Variants in N4BP3 observed in about 807,000 individuals in gnomAD.
N4BP3 encodes NEDD4 binding protein 3, also known as NEDD4-binding protein 3.
N4BP3 carries 33 observed loss-of-function variants against 43.8 expected under a neutral mutation model. The observed-to-expected ratio is 0.75, with a 90% confidence interval of 0.57 to 1.01. The LOEUF is 1.01. Ranked by LOEUF, N4BP3 falls within the 50% of genes least tolerant of loss-of-function variation. The pLI is 0.00. For missense variants in N4BP3, 756 were observed against 744.2 expected (o/e 1.02, Z -0.18); for synonymous variants, 326 against 321.9 (o/e 1.01, Z -0.14).
In N4BP3 at chr5:178,125,380, AG is replaced by A. The variant is rs1282223011; in HGVS notation, c.*3383del. 1 of 152,350 alleles carries A rather than the reference AG, an allele frequency of 6.6e-6. No individual in the cohort carries two copies. Among genetic ancestry groups the A allele is most frequent in the African/African-American group, 2.4e-5 (1 of 41,450 alleles). 9.4% of individuals were successfully genotyped at this position (152,350 alleles called of 1,614,324 possible). On this transcript the variant is annotated 3_prime_UTR_variant, in exon 5 of 5. Transcript: ENST00000274605. ...GTTCAGACAGAACTAGGGACAACAG[AG>A]GGGCCTCCATGGTGGCATGGGTCAG... is the stretch of plus-strand genomic sequence containing the variant.
At position 178,121,530 on chromosome 5, in the gene N4BP3, G is replaced by C; in HGVS notation, c.1164G>C (p.Gln388His). 1 of 1,613,896 alleles carries C rather than the reference G, an allele frequency of 6.2e-7. No individual in the cohort carries two copies. The highest frequency in any genetic ancestry group is 8.5e-7 in the Non-Finnish European group (1 of 1,180,016). The stretch of plus-strand genomic sequence containing the variant: ...TGAAGCAGCAGCTGCGTGAAGCCCA[G>C]GCGGAACTGGCCCAGAAGCTGGCGG... Reference protein sequence around the residue: ...SLLKQQLREAQAELAQKLAEI... With the variant: ...SLLKQQLREAHAELAQKLAEI... The change falls in exon 5 of 5, where the codon CAG becomes CAC. Residue 388 changes from glutamine (Q) to histidine (H), a missense_variant. Gln to His is a conservative substitution (Grantham distance 24). Coordinates refer to ENST00000274605, the MANE Select transcript of N4BP3 (RefSeq NM_015111.2).
rs780206870 is a variant in N4BP3 at position 178,123,999 on chromosome 5, C to T, written c.*1998C>T. ...AGTCGTCTACACACCCCCTTGGTAC[C>T]CATTCCCATTTCACAAACTCCTCCA... On this transcript the variant is annotated 3_prime_UTR_variant, in exon 5 of 5. Coordinates refer to ENST00000274605, the MANE Select transcript of N4BP3 (RefSeq NM_015111.2). 4.3e-4 allele frequency: 65 copies of T among 152,842 alleles called. No individual in the cohort carries two copies. The highest frequency in any genetic ancestry group is 5.1e-4 in the Non-Finnish European group (35 of 68,152). 9.5% of individuals were successfully genotyped at this position (152,842 alleles called of 1,614,324 possible).
At chr5:178,114,846 C>A (rs1757735572) in intron 1 of N4BP3, among the ~76,000 whole-genome samples, 1 of 152,212 alleles carries the variant, frequency 6.6e-6, no homozygotes. Context: ...GGATTCCAGG[C>A]CTGGTGGACC....
rs898405012 is a variant in N4BP3 at position 178,125,661 on chromosome 5, G to A, written c.*3660G>A. ...ACGAGAGGAGAGGCTGGAGGGCCAT[G>A]GGAGTTCCCAGCTGGCTCACTCATC... is the stretch of plus-strand genomic sequence containing the variant. On this transcript the variant is annotated 3_prime_UTR_variant, in exon 5 of 5. Transcript: ENST00000274605. 16 of 152,360 alleles carry A rather than the reference G, an allele frequency of 1.1e-4. No homozygotes were observed. The highest frequency in any genetic ancestry group is 3.6e-4 in the African/African-American group (15 of 41,586). The allele number at this position is 152,360 out of a possible 1,614,324, so 9.4% of individuals were successfully genotyped here.
chr5:178,120,602 G>C lies in N4BP3; in HGVS notation c.755G>C (p.Cys252Ser), dbSNP rs750625937. 1.2e-6 allele frequency: 2 copies of C among 1,612,146 alleles called. No individual in the cohort carries two copies. The highest frequency in any genetic ancestry group is 2.2e-5 in the South Asian group (2 of 91,082). The change falls in exon 3 of 5, where the codon TGC (cysteine) becomes TCC (serine). Residue 252 changes from cysteine to serine, a missense_variant. Physicochemically the swap from Cys to Ser is moderately radical, Grantham distance 112 (BLOSUM62 -1). Coordinates refer to ENST00000274605, the MANE Select transcript of N4BP3 (RefSeq NM_015111.2). ...CCACCACCCCCCTACGAGTTCTCCTGCTCCTCTGCCGAGGAAATGGGAGCC... is the reference window on the plus strand; with the variant it reads ...CCACCACCCCCCTACGAGTTCTCCTCCTCCTCTGCCGAGGAAATGGGAGCC... ...PEPPPPYEFS[C>S]SSAEEMGAVL... is the part of the protein sequence containing the mutation.
chr5:178,114,370 C>T (rs1315120068), intron 1 of N4BP3, among the ~76,000 whole-genome samples: 3 of 152,250 alleles, frequency 2.0e-5, no homozygotes, highest in African/African-American at 7.2e-5. Flanking sequence ...CAACCCCCTG[C>T]CGGTCCACCA....
Position 178,121,912 on chromosome 5 carries a change from C to T in N4BP3, c.1546C>T (p.Arg516Cys), listed in dbSNP as rs778373751. The change falls in exon 5 of 5, where the codon CGC becomes TGC. Residue 516 changes from arginine (R) to cysteine (C), a missense_variant. By Grantham distance (180) the Arg-to-Cys change is radical. Transcript: ENST00000274605. Reference protein sequence around the residue: ...EIQGGYMDMYRRNQALEQELR... With the variant: ...EIQGGYMDMYCRNQALEQELR... ...CCAGGGAGGGTACATGGACATGTAC[C>T]GCCGCAACCAGGCACTGGAGCAGGA... The T allele has an allele frequency of 5.0e-6, 8 of 1,611,814 alleles. No individual in the cohort carries two copies. The East Asian group carries it at 1.1e-4, about 22-fold the overall frequency.
In N4BP3 at chr5:178,121,580, T is replaced by C. The variant is rs1297283090; in HGVS notation, c.1214T>C (p.Leu405Pro). ...GAGATCTTCAGTCTGAAGACACAAC[T>C]TCGGGGCAGCCGGGCACAAGCCCAG... is the stretch of plus-strand genomic sequence containing the variant. ...LAEIFSLKTQ[L>P]RGSRAQAQAQ... Residue 405 changes from leucine (L) to proline (P), a missense_variant, in exon 5 of 5, where the codon CTT (leucine) becomes CCT (proline). Leu to Pro is a moderately conservative substitution (Grantham distance 98, BLOSUM62 -3). Coordinates refer to ENST00000274605, the MANE Select transcript of N4BP3 (RefSeq NM_015111.2). 12 of 1,613,442 alleles carry C rather than the reference T, an allele frequency of 7.4e-6. No homozygotes were observed. Among genetic ancestry groups the C allele is most frequent in the Non-Finnish European group, 1.0e-5 (12 of 1,179,976 alleles).
In N4BP3 at chr5:178,120,420, C is replaced by T. The variant is rs774793593; in HGVS notation, c.573C>T (p.Ser191=). The T allele has an allele frequency of 2.5e-6, 4 of 1,613,038 alleles. No homozygotes were observed. Among genetic ancestry groups the T allele is most frequent in the East Asian group, 2.2e-5 (1 of 44,866 alleles). The change falls in exon 3 of 5, where the codon TCC becomes TCT. Residue 191 remains serine (S), a synonymous_variant. Transcript: ENST00000274605. ...GPEPEPSLSD[S]SSGGSFGRSP... is the part of the protein sequence containing the mutation. ...AGCCCGAGCCCAGCCTGTCCGACTC[C>T]TCCAGTGGGGGTAGTTTTGGTCGCA...
chr5:178,117,034 AACT>A (rs1479078635), intron 1 of N4BP3, among the ~76,000 whole-genome samples: 1 of 152,126 alleles, frequency 6.6e-6, no homozygotes, highest in East Asian at 1.9e-4. Context: ...GGTGGTTTCA[AACT>A]CCTGGGGTCA....
chr5:178,117,998 G>T (rs1757811968), intron 1 of N4BP3, among the ~76,000 whole-genome samples: 1 of 152,212 alleles, frequency 6.6e-6, no homozygotes, highest in South Asian at 2.1e-4. Flanking sequence ...GTGCCCGGAA[G>T]CATGGGTGGT....
intron 2 of N4BP3, 34 bp downstream of exon 2, chr5:178,119,947 G>T: frequency 1.3e-6 from 2 of 1,556,022 alleles, no homozygotes; most frequent in Non-Finnish European, 1.7e-6. Flanking sequence ...ACAAGGTGTG[G>T]GGAGGGTGGG....
Position 178,123,001 on chromosome 5 carries a change from T to A in N4BP3, c.*1000T>A, listed in dbSNP as rs1007518902. 4 of 152,198 alleles carry A rather than the reference T, an allele frequency of 2.6e-5. No homozygotes were observed. Among genetic ancestry groups the A allele is most frequent in the Non-Finnish European group, 4.4e-5 (3 of 68,052 alleles). The allele number at this position is 152,198 out of a possible 1,614,324, so 9.4% of individuals were successfully genotyped here. ...TAAGTAGGGGTGAAATATGATTGAT[T>A]TGCATTCTGGAAAGCTCTCCCAGGA... On this transcript the variant is annotated 3_prime_UTR_variant, in exon 5 of 5. Coordinates refer to ENST00000274605, the MANE Select transcript of N4BP3 (RefSeq NM_015111.2).
rs1561616163 is a variant in N4BP3 at position 178,119,612 on chromosome 5, T to C, written c.29T>C (p.Ile10Thr). ...GCCACAGCCCCAGGCCCTGCTGGCA[T>C]TGCCATGGGCAGCGTGGGCAGCCTG... MATAPGPAGIAMGSVGSLLE... is the reference protein window; with the variant it reads MATAPGPAGTAMGSVGSLLE... The change falls in exon 2 of 5, where the codon ATT (isoleucine) becomes ACT (threonine). Residue 10 changes from isoleucine (I) to threonine (T), a missense_variant. Transcript: ENST00000274605. 2 of 1,554,872 alleles carry C rather than the reference T, an allele frequency of 1.3e-6. No homozygotes were observed. The highest frequency in any genetic ancestry group is 1.7e-6 in the Non-Finnish European group (2 of 1,150,920).
rs1757926979 is a variant in N4BP3 at position 178,121,619 on chromosome 5, A to G, written c.1253A>G (p.Glu418Gly). 6.2e-7 allele frequency: 1 copy of G among 1,613,072 alleles called. No individual in the cohort carries two copies. Among genetic ancestry groups the G allele is most frequent in the African/African-American group, 1.3e-5 (1 of 75,042 alleles). Reference sequence around the variant, plus strand: ...GCACAAGCCCAGGCTCAGGACGCAGAGCTGGTCCGGCTGCGCGAGGCTGTG... The same window carrying G: ...GCACAAGCCCAGGCTCAGGACGCAGGGCTGGTCCGGCTGCGCGAGGCTGTG... ...SRAQAQAQDA[E>G]LVRLREAVRS... Residue 418 changes from glutamate to glycine, a missense_variant, in exon 5 of 5, where the codon GAG becomes GGG. Transcript: ENST00000274605.
In N4BP3 at chr5:178,118,039, C is replaced by T. The variant is rs1214928857; in HGVS notation, c.-30-1515C>T. Among the ~76,000 whole-genome samples, 1 of 152,196 alleles carries T rather than the reference C, an allele frequency of 6.6e-6. No homozygotes were observed. The highest frequency in any genetic ancestry group is 6.5e-5 in the Admixed American group (1 of 15,278). ...GGGACCCACAGCTGCAGCTGGCCTGCTGGGCTTCTGTTCGAGAATGGGAGC... is the reference window on the plus strand; with the variant it reads ...GGGACCCACAGCTGCAGCTGGCCTGTTGGGCTTCTGTTCGAGAATGGGAGC... On this transcript the variant is annotated intron_variant, in intron 1 of 4. Coordinates refer to ENST00000274605, the MANE Select transcript of N4BP3 (RefSeq NM_015111.2). This position sits in a 1 kb window ranked among gnomAD's most constrained non-coding sequence, Gnocchi z 5.4.
rs754788940 is a variant in N4BP3, at chr5:178,122,592, C to T, written c.*591C>T. On this transcript the variant is annotated 3_prime_UTR_variant, in exon 5 of 5. Coordinates refer to ENST00000274605, the MANE Select transcript of N4BP3 (RefSeq NM_015111.2). ...TCCTACTCCTTGCCTCAGCCCCACA[C>T]GGTTCCTTAGCTGCCGTGTGGGCTG... The T allele has an allele frequency of 2.5e-4, 38 of 152,366 alleles. No homozygotes were observed. The highest frequency in any genetic ancestry group is 4.8e-4 in the Non-Finnish European group (33 of 68,174). 9.4% of individuals were successfully genotyped at this position (152,366 alleles called of 1,614,324 possible). A position where few individuals can be genotyped will look rare whatever the true frequency, so the allele number is the denominator to read the frequency against.
Position 178,120,674 on chromosome 5 carries a change from A to T in N4BP3, c.827A>T (p.Glu276Val). Reference sequence around the variant, plus strand: ...GAGCTCAAGAGGGGCCTTGGCGATGAGGACGGCTCCAACCCCTTCACGCAG... The same window carrying T: ...GAGCTCAAGAGGGGCCTTGGCGATGTGGACGGCTCCAACCCCTTCACGCAG... ...CEELKRGLGD[E>V]DGSNPFTQVL... The change falls in exon 3 of 5, where the codon GAG becomes GTG. Residue 276 changes from glutamate to valine, a missense_variant. Transcript: ENST00000274605. 1 of 1,599,808 alleles carries T rather than the reference A, an allele frequency of 6.3e-7. No homozygotes were observed.
rs376354098 is a variant in N4BP3, at chr5:178,121,415, GC to G, written c.1108-54del. On this transcript the variant is annotated intron_variant, in intron 4 of 4. Transcript: ENST00000274605. ...CCATTGCCGGTCCCTTCTTCTGCCTGCCCCCTCCCAAACCGGCTCCCCACAC... is the reference window on the plus strand; with the variant it reads ...CCATTGCCGGTCCCTTCTTCTGCCTGCCCCTCCCAAACCGGCTCCCCACAC... 126 of 1,613,006 alleles carry G rather than the reference GC, an allele frequency of 7.8e-5. No individual in the cohort carries two copies. The East Asian group carries it at 1.9e-3, about 25-fold the overall frequency.
Sources: gnomAD v4.1 joint callset for allele counts (sites outside exome capture counted in the v4.1 genomes callset) on GRCh38, gnomAD v4.1.1 for gene constraint, Gnocchi (gnomAD v3.1) non-coding constraint, MANE v1.5 for transcripts, NCBI Gene and HGNC (gene_info 2026-07-23, HGNC 2026-07-21) for gene names.